The following PITPNM3 variants were observed in gnomAD, a reference collection of about 807,000 sequenced individuals.
PITPNM3 encodes the protein membrane-associated phosphatidylinositol transfer protein 3.
A neutral mutation model predicts 102.0 loss-of-function variants in PITPNM3; 26 were observed. The observed-to-expected ratio is 0.25, with a 90% CI of 0.19 to 0.35. PITPNM3 has a LOEUF of 0.35. Among genes scored for constraint, PITPNM3 ranks in the 10% least tolerant of loss-of-function variants. The pLI is 1.00. For missense variants in PITPNM3, 1,083 were observed against 1,346.1 expected (o/e 0.80, Z 3.06); for synonymous variants, 578 against 558.6 (o/e 1.03, Z -0.49).
chr17:6,487,150 C>T (rs1906144768), intron 4 of PITPNM3, among the ~76,000 whole-genome samples: 1 of 152,132 alleles, frequency 6.6e-6, no homozygotes, highest in South Asian at 2.1e-4. Context: ...CTGAGGTTGG[C>T]TCTAGGGCTG....
chr17:6,504,762 G>A (rs140947436), intron 3 of PITPNM3, among the ~76,000 whole-genome samples: 5 of 152,270 alleles, frequency 3.3e-5, no homozygotes, highest in South Asian at 2.1e-4. Context: ...CTTCACTTAC[G>A]AACCATGCAC....
intron 10 of PITPNM3, among the ~76,000 whole-genome samples, chr17:6,473,931 C>T (rs538620457): frequency 3.8e-4 from 55 of 143,574 alleles, no homozygotes; most frequent in African/African-American, 1.4e-3. Context: ...GAGCTGAGAT[C>T]GCGCCACTGC....
Position 6,479,759 on chromosome 17 carries a change from AAAG to A in PITPNM3, c.588-1026_588-1024del, listed in dbSNP as rs1597373613. The A allele has an allele frequency of 8.5e-5, 13 of 152,306 alleles. No homozygotes were observed. In the East Asian group the frequency reaches 2.5e-3, roughly 29 times the overall value. The allele number at this position is 152,306 out of a possible 1,614,324, so 9.4% of individuals were successfully genotyped here. The stretch of plus-strand genomic sequence containing the variant: ...GCCCTGTCAGCCATTCCTCATCTCC[AAAG>A]AACACAAATTAGAGGAAGCAGGCCT... On this transcript the variant is annotated intron_variant, in intron 6 of 19. Transcript: ENST00000262483.
chr17:6,461,032 G>C, intron 18 of PITPNM3: 1 of 381,466 alleles, frequency 2.6e-6, no homozygotes. Context: ...GGTTCTGTTT[G>C]TCTCTGTGCA....
intron 3 of PITPNM3, among the ~76,000 whole-genome samples, chr17:6,510,184 T>C (rs1203865973): frequency 6.6e-6 from 1 of 152,220 alleles, no homozygotes; most frequent in Non-Finnish European, 1.5e-5. Flanking sequence ...CCTTGACAAA[T>C]CTTGTCATCT....
At position 6,458,990 on chromosome 17, in the gene PITPNM3, A is replaced by G. The variant is rs540536370; in HGVS notation, c.2491-1268T>C. 1.8e-4 allele frequency among the ~76,000 whole-genome samples: 28 copies of G among 152,206 alleles called. No individual in the cohort carries two copies. The East Asian group carries it at 5.4e-3, about 29-fold the overall frequency. On this transcript the variant is annotated intron_variant, in intron 18 of 19. Coordinates refer to ENST00000262483, the MANE Select transcript of PITPNM3 (RefSeq NM_031220.4). The surrounding 1 kb of genome is among the most constrained non-coding windows in gnomAD (Gnocchi z 5.1). ...GCTGGACCAAGGAGAGGGCTTCCTC[A>G]GCCCACTGCCCCTCACCTCAATGGT...
chr17:6,509,073 A>G (rs1907715233), intron 3 of PITPNM3, among the ~76,000 whole-genome samples: 2 of 152,264 alleles, frequency 1.3e-5, no homozygotes, highest in South Asian at 4.1e-4. Context: ...TGCAGACAGG[A>G]TGGGCTACAA....
intron 3 of PITPNM3, among the ~76,000 whole-genome samples, chr17:6,508,479 T>C (rs1907676240): frequency 6.6e-6 from 1 of 152,116 alleles, no homozygotes; most frequent in Non-Finnish European, 1.5e-5. Flanking sequence ...CTCCTATTGG[T>C]CGGGGGCTTC....
chr17:6,474,634 C>CAGGGA (rs1193580070), intron 9 of PITPNM3, 30 bp from the exon 10 acceptor site: 15 of 1,547,740 alleles, frequency 9.7e-6, no homozygotes, highest in Non-Finnish European at 1.3e-5. Flanking sequence ...CAGGGCAGGG[C>CAGGGA]AGGTCAGGGA....
intron 2 of PITPNM3, among the ~76,000 whole-genome samples, chr17:6,534,477 TG>T (rs1027922997): frequency 5.3e-4 from 80 of 152,268 alleles, no homozygotes; most frequent in African/African-American, 1.8e-3. Context: ...GCCAAAGGGT[TG>T]GGGCTGATGG....
intron 1 of PITPNM3, among the ~76,000 whole-genome samples, chr17:6,552,634 C>T (rs530034549): frequency 1.4e-3 from 211 of 152,252 alleles, no homozygotes; most frequent in African/African-American, 4.8e-3. Flanking sequence ...CACTTCCTAC[C>T]CACCTTCCAC....
chr17:6,471,043 T>G, intron 12 of PITPNM3, 118 bp downstream of exon 12: 1 of 1,240,360 alleles, frequency 8.1e-7, no homozygotes. Context: ...AGGACTTCCT[T>G]CACCTTCTCC....
At chr17:6,505,811 C>T (rs1907470323) in intron 3 of PITPNM3, among the ~76,000 whole-genome samples, 1 of 152,194 alleles carries the variant, frequency 6.6e-6, no homozygotes, top group African/African-American at 2.4e-5. Context: ...GAGTGAGGAG[C>T]AAGAACACCT....
At position 6,537,853 on chromosome 17, in the gene PITPNM3, T is replaced by G; in HGVS notation, c.118+134A>C. 1.3e-6 allele frequency: 1 copy of G among 778,046 alleles called. No individual in the cohort carries two copies. The highest frequency in any genetic ancestry group is 2.3e-6 in the Non-Finnish European group (1 of 443,560). 48.2% of individuals were successfully genotyped at this position (778,046 alleles called of 1,614,324 possible). The stretch of plus-strand genomic sequence containing the variant: ...CCCTGCTCTTGGCACATCCACAGGA[T>G]GGGTAAGTATGGAGTGTGGAGCTGC... On this transcript the variant is annotated intron_variant, in intron 2 of 19. Transcript: ENST00000262483. This position sits in a 1 kb window ranked among gnomAD's most constrained non-coding sequence, Gnocchi z 4.4.
chr17:6,526,034 T>C (rs938718920), intron 2 of PITPNM3, among the ~76,000 whole-genome samples: 1 of 152,220 alleles, frequency 6.6e-6, no homozygotes, highest in African/African-American at 2.4e-5. Context: ...GAAGCAGCTC[T>C]GGAGTAACTG....
intron 3 of PITPNM3, among the ~76,000 whole-genome samples, chr17:6,512,345 C>T (rs10438739): frequency 6.6e-6 from 1 of 151,410 alleles, no homozygotes; most frequent in Non-Finnish European, 1.5e-5. Flanking sequence ...GGCATGTGCA[C>T]AAATATTAGT....
intron 6 of PITPNM3, among the ~76,000 whole-genome samples, chr17:6,483,075 G>A (rs1321048438): frequency 6.6e-6 from 1 of 151,872 alleles, no homozygotes; most frequent in Non-Finnish European, 1.5e-5. Flanking sequence ...CTCCCAAGAA[G>A]CTGGGACTGC....
At chr17:6,540,272 C>T (rs944554415) in intron 1 of PITPNM3, among the ~76,000 whole-genome samples, 8 of 152,196 alleles carry the variant, frequency 5.3e-5, no homozygotes, top group Admixed American at 3.9e-4. Context: ...ATTGGGTGCT[C>T]GCAAAGCTTA....
chr17:6,460,727 T>C (rs1390141274), intron 18 of PITPNM3: 1 of 153,536 alleles, frequency 6.5e-6, no homozygotes, highest in Non-Finnish European at 1.4e-5. Context: ...GGGCTGGGTT[T>C]GGTCATTATA....
Sources: allele counts gnomAD v4.1 joint callset (sites outside exome capture counted in the v4.1 genomes callset), GRCh38; gene constraint gnomAD v4.1.1; non-coding constraint Gnocchi (gnomAD v3.1); transcripts MANE v1.5; gene names NCBI Gene and HGNC (gene_info 2026-07-23, HGNC 2026-07-21).